MAST2: variants seen among roughly 807,000 people sequenced by gnomAD.
The protein encoded by MAST2 is microtubule associated serine/threonine kinase 2, also known as microtubule-associated serine/threonine-protein kinase 2.
Under a neutral mutation model 147.4 loss-of-function variants are expected in MAST2, and 70 were observed. The observed-to-expected ratio is 0.47, with a 90% CI of 0.39 to 0.58. The LOEUF is 0.58. Among genes scored for constraint, MAST2 ranks in the 20% least tolerant of loss-of-function variants. The pLI is 0.00. For synonymous variants in MAST2, 869 were observed against 896.8 expected, an observed-to-expected ratio of 0.97 and a Z score of 0.55; for missense variants, 2,080 against 2,302.3, an observed-to-expected ratio of 0.90 and a Z score of 1.98.
intron 4 of MAST2, among the ~76,000 whole-genome samples, chr1:45,932,407 C>T (rs1052900626): frequency 2.0e-5 from 3 of 152,130 alleles, no homozygotes; most frequent in East Asian, 1.9e-4. Context: ...TTTGACTGGG[C>T]GCTGTGGCTC....
chr1:45,993,308 TG>T (rs1371517091), intron 5 of MAST2, among the ~76,000 whole-genome samples: 6 of 152,202 alleles, frequency 3.9e-5, no homozygotes, highest in Admixed American at 3.9e-4. Context: ...AACATTTTTT[TG>T]TAGTGTGGTT....
chr1:46,027,696 A>C, intron 16 of MAST2, 35 bp from the exon 17 acceptor site: 4 of 1,597,806 alleles, frequency 2.5e-6, no homozygotes, highest in Non-Finnish European at 3.4e-6. Flanking sequence ...GAAAACCAGG[A>C]ATAACTTCTT....
At chr1:45,889,330 G>A (rs1259051349) in intron 4 of MAST2, among the ~76,000 whole-genome samples, 1 of 152,040 alleles carries the variant, frequency 6.6e-6, no homozygotes, top group Non-Finnish European at 1.5e-5. Context: ...GGGACCACAG[G>A]TGCACGCCGC....
chr1:45,815,088 A>G (rs1217436843), intron 1 of MAST2, among the ~76,000 whole-genome samples: 1 of 152,144 alleles, frequency 6.6e-6, no homozygotes, highest in Non-Finnish European at 1.5e-5. Flanking sequence ...AGATGCATAT[A>G]TCCTTTAACC....
At chr1:45,911,832 T>G (rs1167669694) in intron 4 of MAST2, among the ~76,000 whole-genome samples, 8 of 147,182 alleles carry the variant, frequency 5.4e-5, no homozygotes, top group Non-Finnish European at 1.5e-5. Flanking sequence ...TGGTTGCTGT[T>G]ATGTCATTAT....
At chr1:45,880,899 A>AC (rs1646814717) in intron 3 of MAST2, among the ~76,000 whole-genome samples, 2 of 148,844 alleles carry the variant, frequency 1.3e-5, no homozygotes, top group South Asian at 4.3e-4. Flanking sequence ...AATCGCTTGA[A>AC]CCCAGGAAGT....
At chr1:45,832,309 T>G (rs35098249) in intron 3 of MAST2, among the ~76,000 whole-genome samples, 1 of 151,728 alleles carries the variant, frequency 6.6e-6, no homozygotes, top group Non-Finnish European at 1.5e-5. Flanking sequence ...TTCTTTCTTT[T>G]TTTTTTTTTG....
At chr1:45,902,480 A>G (rs1190177951) in intron 4 of MAST2, among the ~76,000 whole-genome samples, 1 of 151,940 alleles carries the variant, frequency 6.6e-6, no homozygotes, top group African/African-American at 2.4e-5. Context: ...TATCAGGATG[A>G]TACTGATTTA....
intron 3 of MAST2, among the ~76,000 whole-genome samples, chr1:45,875,144 C>T (rs1194345012): frequency 6.6e-6 from 1 of 152,106 alleles, no homozygotes; most frequent in African/African-American, 2.4e-5. Context: ...AGAAAGGACA[C>T]ATTTAAAAAA....
rs568598766 is a variant in MAST2 at position 45,837,384 on chromosome 1, T to G, written c.468+7803T>G. Among the ~76,000 whole-genome samples the G allele has an allele frequency of 6.6e-5, 10 of 152,360 alleles. No individual in the cohort carries two copies. In the South Asian group the frequency reaches 2.1e-3, roughly 32 times the overall value. On this transcript the variant is annotated intron_variant, in intron 3 of 28. Coordinates refer to ENST00000361297, the MANE Select transcript of MAST2 (RefSeq NM_015112.3). Reference sequence around the variant, plus strand: ...TGGAATCATACAGTATATAGTCTTTTGTGTCTTTTTTCACTTAGCATAATC... The same window carrying G: ...TGGAATCATACAGTATATAGTCTTTGGTGTCTTTTTTCACTTAGCATAATC...
intron 15 of MAST2, among the ~76,000 whole-genome samples, chr1:46,025,139 C>T (rs1252977663): frequency 2.6e-5 from 4 of 151,978 alleles, no homozygotes; most frequent in South Asian, 2.1e-4. Flanking sequence ...ACCAACATGG[C>T]GAAACCCCGT....
At chr1:45,904,775 A>G (rs78367544) in intron 4 of MAST2, among the ~76,000 whole-genome samples, 1,911 of 151,304 alleles carry the variant, frequency 0.013, 47 homozygotes, top group African/African-American at 0.044. Flanking sequence ...CCAGACTGTC[A>G]TTTTCTTGCT....
At chr1:45,987,777 ATTTTT>A in intron 5 of MAST2, among the ~76,000 whole-genome samples, 9 of 21,802 alleles carry the variant, frequency 4.1e-4, no homozygotes, top group African/African-American at 1.7e-3. Context: ...TTTTTTTTTG[ATTTTT>A]TTTTTTTTTT....
intron 4 of MAST2, among the ~76,000 whole-genome samples, chr1:45,948,350 A>G (rs1570881529): frequency 6.6e-6 from 1 of 152,298 alleles, no homozygotes; most frequent in East Asian, 1.9e-4. Context: ...TTATAGATTG[A>G]ATGCTATTTC....
At chr1:45,880,279 A>G (rs1029802395) in intron 3 of MAST2, among the ~76,000 whole-genome samples, 2 of 152,234 alleles carry the variant, frequency 1.3e-5, no homozygotes, top group African/African-American at 4.8e-5. Context: ...TACTATGCTG[A>G]GTTGAAGAAG....
intron 10 of MAST2, among the ~76,000 whole-genome samples, chr1:46,018,316 T>G (rs1217547752): frequency 3.9e-5 from 6 of 152,192 alleles, no homozygotes; most frequent in Admixed American, 3.9e-4. Context: ...TGGCTGCCAC[T>G]CTTACTGTTC....
rs1242836890 is a variant in MAST2 at position 46,017,646 on chromosome 1, A to G, written c.1189-1950A>G. Among the ~76,000 whole-genome samples the G allele has an allele frequency of 5.3e-5, 8 of 152,014 alleles. No homozygotes were observed. The East Asian group carries it at 5.8e-4, about 11-fold the overall frequency. On this transcript the variant is annotated intron_variant, in intron 10 of 28. Transcript: ENST00000361297. ...CCATCTCACACCAGTTAGAATGGCA[A>G]TCATTAAAAAGTCAGGAAACAACAG... is the stretch of plus-strand genomic sequence containing the variant.
intron 4 of MAST2, among the ~76,000 whole-genome samples, chr1:45,900,093 C>T (rs369364436): frequency 9.7e-5 from 14 of 144,664 alleles, no homozygotes; most frequent in East Asian, 8.0e-4. Flanking sequence ...TTGCTTGTAC[C>T]TGGGAGCCAG....
At chr1:45,819,101 A>G (rs1451652315) in intron 1 of MAST2, among the ~76,000 whole-genome samples, 3 of 152,016 alleles carry the variant, frequency 2.0e-5, no homozygotes, top group Non-Finnish European at 2.9e-5. Context: ...TAAAAATACA[A>G]ACTTAGCCAG....
Sources: gnomAD v4.1 joint callset for allele counts (sites outside exome capture counted in the v4.1 genomes callset) on GRCh38, gnomAD v4.1.1 for gene constraint, MANE v1.5 for transcripts, NCBI Gene and HGNC (gene_info 2026-07-23, HGNC 2026-07-21) for gene names.